The following ERGIC3 variants were observed in gnomAD, a reference collection of about 807,000 sequenced individuals.
ERGIC3 encodes the protein ERGIC and golgi 3, also known as endoplasmic reticulum-Golgi intermediate compartment protein 3.
A neutral mutation model predicts 54.7 loss-of-function variants in ERGIC3; 33 were observed. The observed-to-expected ratio is 0.60, with a 90% CI of 0.46 to 0.81. The LOEUF is 0.81. ERGIC3 is among the 30% of genes least tolerant of loss of function. ERGIC3 has a pLI of 0.00. For synonymous variants in ERGIC3, 186 were observed against 189.8 expected, an observed-to-expected ratio of 0.98 and a Z score of 0.16; for missense variants, 399 against 488.4, an observed-to-expected ratio of 0.82 and a Z score of 1.73.
At chr20:35,552,402 CAA>C (rs2064686527) in intron 7 of ERGIC3, among the ~76,000 whole-genome samples, 1 of 152,166 alleles carries the variant, frequency 6.6e-6, no homozygotes, top group Admixed American at 6.5e-5. Flanking sequence ...GCTGTGAATG[CAA>C]AGAGAGCGGT....
intron 10 of ERGIC3, 99 bp from the exon 11 acceptor site, chr20:35,556,874 A>G: frequency 6.4e-7 from 1 of 1,550,904 alleles, no homozygotes; most frequent in Non-Finnish European, 8.8e-7. Context: ...TTACACGGCC[A>G]AGGCTCAACA....
chr20:35,542,936 G>A lies in ERGIC3; in HGVS notation c.362G>A (p.Arg121Gln), dbSNP rs1162320128. The A allele has an allele frequency of 4.3e-6, 7 of 1,613,850 alleles. No individual in the cohort carries two copies. Among genetic ancestry groups the A allele is most frequent in the Admixed American group, 3.3e-5 (2 of 59,992 alleles). The change falls in exon 4 of 13, where the codon CGG (arginine) becomes CAG (glutamine). Residue 121 changes from arginine to glutamine, a missense_variant. Coordinates refer to ENST00000348547, the MANE Select transcript of ERGIC3 (RefSeq NM_015966.3). ...ATCCCCGTGAGCTCAGAGGCTGAGC[G>A]GCATGGTAACCAGGGGAGGGGGCCG... ...DGIPVSSEAE[R>Q]HELGKVEVTV...
In ERGIC3 at chr20:35,557,249, G is replaced by A. The variant is rs1319939450; in HGVS notation, c.1072G>A (p.Val358Met). The A allele has an allele frequency of 1.2e-6, 2 of 1,614,040 alleles. No homozygotes were observed. The highest frequency in any genetic ancestry group is 1.7e-6 in the Non-Finnish European group (2 of 1,180,034). The change falls in exon 12 of 13, where the codon GTG becomes ATG. Residue 358 changes from valine to methionine, a missense_variant and splice_region_variant. Transcript: ENST00000348547. ...CGCCATCATTGGGGGCATGTTCACA[G>A]GTAAGAGGCCCAGGGCGTCTGTGAG... ...VCAIIGGMFT[V>M]AGLIDSLIYH...
chr20:35,546,430 G>A lies in ERGIC3; in HGVS notation c.368-982G>A, dbSNP rs114950651. Among the ~76,000 whole-genome samples, 367 of 152,250 alleles carry A rather than the reference G, an allele frequency of 2.4e-3. 4 individuals carry two copies. Among genetic ancestry groups the A allele is most frequent in the African/African-American group, 8.4e-3 (349 of 41,548 alleles). On this transcript the variant is annotated intron_variant, in intron 4 of 12. Transcript: ENST00000348547. Reference sequence around the variant, plus strand: ...CATTAGCTAAGTGAAGAAATAGGAGGGGGTTTTGGGAGCCTAAGGAGAGAG... The same window carrying A: ...CATTAGCTAAGTGAAGAAATAGGAGAGGGTTTTGGGAGCCTAAGGAGAGAG...
rs746612297 is a variant in ERGIC3 at position 35,556,265 on chromosome 20, C to T, written c.873C>T (p.Asp291=). ...TGCCCACTGTGTACATGAAGGTGGA[C>T]GGAGAGGTGAGTCAGGGAGCTCCCT... ...KVVPTVYMKV[D]GEVLRTNQFS... Residue 291 remains aspartate (D), a synonymous_variant, in exon 10 of 13, where the codon GAC becomes GAT. Transcript: ENST00000348547. The T allele has an allele frequency of 3.1e-5, 50 of 1,613,940 alleles. No homozygotes were observed. Among genetic ancestry groups the T allele is most frequent in the Admixed American group, 8.3e-5 (5 of 59,992 alleles).
At chr20:35,542,449 T>G in intron 2 of ERGIC3, 56 bp downstream of exon 2, 1 of 1,613,578 alleles carries the variant, frequency 6.2e-7, no homozygotes, top group Non-Finnish European at 8.5e-7. Context: ...AGTAGGACCT[T>G]TAGGGGTGGG....
intron 11 of ERGIC3, 21 bp downstream of exon 11, chr20:35,557,130 G>C: frequency 6.2e-7 from 1 of 1,614,208 alleles, no homozygotes; most frequent in African/African-American, 1.3e-5. Flanking sequence ...GGGCAAAGCG[G>C]CCTCTGGGGG....
At chr20:35,553,020 A>ATGTTTTTTTTTTTTTT (rs2064689728) in intron 7 of ERGIC3, among the ~76,000 whole-genome samples, 1 of 41,552 alleles carries the variant, frequency 2.4e-5, no homozygotes, top group Non-Finnish European at 4.4e-5. Context: ...AAAGCTGGGG[A>ATGTTTTTTTTTTTTTT]TTTTTTTTTT....
Position 35,542,104 on chromosome 20 carries a change from G to A in ERGIC3, c.7G>A (p.Ala3Thr). 1.3e-6 allele frequency: 2 copies of A among 1,548,976 alleles called. No homozygotes were observed. Among genetic ancestry groups the A allele is most frequent in the East Asian group, 2.3e-5 (1 of 44,132 alleles). The change falls in exon 1 of 13, where the codon GCG (alanine) becomes ACG (threonine). Residue 3 changes from alanine to threonine, a missense_variant. Coordinates refer to ENST00000348547, the MANE Select transcript of ERGIC3 (RefSeq NM_015966.3). ...CCCTTTCCGGCCGGTCCCCATGGAG[G>A]CGCTGGGGAAGCTGAAGCAGTTCGA... The part of the protein sequence containing the change: ME[A>T]LGKLKQFDAY...
chr20:35,548,878 C>T lies in ERGIC3; in HGVS notation c.685+13C>T, dbSNP rs750884905. On this transcript the variant is annotated intron_variant, in intron 7 of 12. Transcript: ENST00000348547. ...TCCCATGTGCACGGTGAGTGATCTG[C>T]ACTAGCTGGGGAGATTTAGATGCTG... 3.1e-6 allele frequency: 5 copies of T among 1,614,050 alleles called. No homozygotes were observed. Among genetic ancestry groups the T allele is most frequent in the East Asian group, 4.5e-5 (2 of 44,878 alleles).
Position 35,548,904 on chromosome 20 carries a change from G to C in ERGIC3, c.685+39G>C, listed in dbSNP as rs748912772. ...ACTAGCTGGGGAGATTTAGATGCTGGCCACCTTCTTGGTGAGCTTGAGTGG... is the reference window on the plus strand; with the variant it reads ...ACTAGCTGGGGAGATTTAGATGCTGCCCACCTTCTTGGTGAGCTTGAGTGG... On this transcript the variant is annotated intron_variant, in intron 7 of 12. Coordinates refer to ENST00000348547, the MANE Select transcript of ERGIC3 (RefSeq NM_015966.3). 21 of 1,610,630 alleles carry C rather than the reference G, an allele frequency of 1.3e-5. No individual in the cohort carries two copies. The East Asian group carries it at 4.7e-4, about 36-fold the overall frequency.
chr20:35,544,512 G>A (rs746781782), intron 4 of ERGIC3: 14 of 274,306 alleles, frequency 5.1e-5, no homozygotes, highest in Admixed American at 2.8e-4. Flanking sequence ...GCGGATGTGC[G>A]TCCCCACTCT....
intron 7 of ERGIC3, chr20:35,549,546 T>C (rs1038183062): frequency 5.1e-5 from 10 of 195,546 alleles, no homozygotes; most frequent in Admixed American, 1.7e-4. Flanking sequence ...ACAATAAGTA[T>C]ATAAAATATA....
chr20:35,556,452 T>C (rs1239878589), intron 10 of ERGIC3, 181 bp downstream of exon 10: 1 of 651,698 alleles, frequency 1.5e-6, no homozygotes, highest in Non-Finnish European at 2.7e-6. Flanking sequence ...CTGGGGCTGT[T>C]AGATTTAAAG....
At chr20:35,544,805 C>CTTTTTTTTTTTTTTTTT (rs1168405691) in intron 4 of ERGIC3, 1 of 75,660 alleles carries the variant, frequency 1.3e-5, no homozygotes, top group Non-Finnish European at 2.2e-5. Flanking sequence ...CGGGGATCTA[C>CTTTTTTTTTTTTTTTTT]TTTTTTTTTT....
rs1410887400 is a variant in ERGIC3, at chr20:35,542,833, G to A, written c.259G>A (p.Asp87Asn). The A allele has an allele frequency of 1.2e-6, 2 of 1,613,992 alleles. No homozygotes were observed. Reference sequence around the variant, plus strand: ...TTTCCTGCTTCCAGATCTGAGTATTGATGCCATGGATGTGGCCGGAGAACA... The same window carrying A: ...TTTCCTGCTTCCAGATCTGAGTATTAATGCCATGGATGTGGCCGGAGAACA... ...PHMPCAYLSI[D>N]AMDVAGEQQL... Residue 87 changes from aspartate to asparagine, a missense_variant, in exon 4 of 13, where the codon GAT becomes AAT. By Grantham distance (23) the Asp-to-Asn change is conservative. Coordinates refer to ENST00000348547, the MANE Select transcript of ERGIC3 (RefSeq NM_015966.3).
chr20:35,545,088 C>G (rs1385907517), intron 4 of ERGIC3: 1 of 152,396 alleles, frequency 6.6e-6, no homozygotes, highest in Non-Finnish European at 1.5e-5. Context: ...CAGGCATGGG[C>G]CACCACGCCC....
rs974933976 is a variant in ERGIC3 at position 35,543,554 on chromosome 20, C to T, written c.367+613C>T. 6.0e-5 allele frequency: 28 copies of T among 466,092 alleles called. No homozygotes were observed. In the Admixed American group the frequency reaches 6.2e-4, roughly 10 times the overall value. 28.9% of individuals were successfully genotyped at this position (466,092 alleles called of 1,614,324 possible). On this transcript the variant is annotated intron_variant, in intron 4 of 12. Coordinates refer to ENST00000348547, the MANE Select transcript of ERGIC3 (RefSeq NM_015966.3). ...TTTATCTTGGTGGCTTCCCAATTCC[C>T]TTCGTTAACTCAGTTTCCCACCACA...
rs1601357994 is a variant in ERGIC3 at position 35,542,401 on chromosome 20, G to A, written c.159+8G>A. The A allele has an allele frequency of 1.2e-6, 2 of 1,613,944 alleles. No individual in the cohort carries two copies. Among genetic ancestry groups the A allele is most frequent in the Non-Finnish European group, 1.7e-6 (2 of 1,180,012 alleles). The stretch of plus-strand genomic sequence containing the variant: ...TATTACCTCACCACGGAGGTAAGGG[G>A]CGGGGCTTAGTGCGTGGGCGGGGCT... On this transcript the variant is annotated splice_region_variant and intron_variant, in intron 2 of 12. Transcript: ENST00000348547.
Sources: gnomAD v4.1 joint callset for allele counts (sites outside exome capture counted in the v4.1 genomes callset) on GRCh38, gnomAD v4.1.1 for gene constraint, MANE v1.5 for transcripts, NCBI Gene and HGNC (gene_info 2026-07-23, HGNC 2026-07-21) for gene names.